The following CCDC102B variants were observed in gnomAD, a reference collection of about 807,000 sequenced individuals.
CCDC102B encodes coiled-coil domain containing 102B.
CCDC102B carries 75 observed loss-of-function variants against 57.4 expected under a neutral mutation model. That is an observed-to-expected ratio of 1.31 (90% confidence interval 1.08 to 1.58). CCDC102B has a LOEUF of 1.58. Among genes scored for constraint, CCDC102B ranks in the 40% most tolerant of loss-of-function variants. CCDC102B has a pLI of 0.00. For synonymous variants in CCDC102B, 206 were observed against 201.9 expected, an observed-to-expected ratio of 1.02 and a Z score of -0.17; for missense variants, 636 against 582.6, an observed-to-expected ratio of 1.09 and a Z score of -0.94.
At chr18:68,839,002 G>T in intron 3 of CCDC102B, 76 bp downstream of exon 3, 1 of 1,165,220 alleles carries the variant, frequency 8.6e-7, no homozygotes, top group Non-Finnish European at 1.3e-6. Context: ...AGATAGATTG[G>T]TCATTTGATA....
rs568442070 is a variant in CCDC102B at position 68,933,861 on chromosome 18, C to A, written c.1263+36433C>A. On this transcript the variant is annotated intron_variant, in intron 6 of 7. Transcript: ENST00000360242. ...AAGAACATATACAAAAACCAACTAA[C>A]CAAAGAAAAATCCATAACAACGTGA... 1.4e-3 allele frequency among the ~76,000 whole-genome samples: 209 copies of A among 151,824 alleles called. 1 individual carries two copies. The highest frequency in any genetic ancestry group is 4.6e-3 in the African/African-American group (190 of 41,458).
chr18:68,865,919 C>A (rs566758441), intron 4 of CCDC102B, among the ~76,000 whole-genome samples: 235 of 152,196 alleles, frequency 1.5e-3, no homozygotes, highest in Middle Eastern at 6.8e-3. Flanking sequence ...TAATAAAACA[C>A]AACAACTCTA....
In CCDC102B at chr18:68,769,634, G is replaced by A. The variant is rs561450172; in HGVS notation, c.-67+53040G>A. On this transcript the variant is annotated intron_variant, in intron 2 of 3. Transcript: ENST00000578970. ...GCAGTGGAAAACATACTCTCAACACGGGATTGCAAAACTCACTGGCAGCTA... is the reference window on the plus strand; with the variant it reads ...GCAGTGGAAAACATACTCTCAACACAGGATTGCAAAACTCACTGGCAGCTA... Among the ~76,000 whole-genome samples the A allele has an allele frequency of 8.5e-5, 13 of 152,124 alleles. No individual in the cohort carries two copies. The East Asian group carries it at 1.9e-3, about 23-fold the overall frequency.
At chr18:69,042,160 T>C (rs903006677) in intron 7 of CCDC102B, among the ~76,000 whole-genome samples, 3 of 152,094 alleles carry the variant, frequency 2.0e-5, no homozygotes, top group Non-Finnish European at 4.4e-5. Flanking sequence ...TGGGAAGTTC[T>C]CTTTTTCAAA....
intron 1 of CCDC102B, among the ~76,000 whole-genome samples, chr18:68,827,134 G>T (rs2036936696): frequency 6.6e-6 from 1 of 152,028 alleles, no homozygotes; most frequent in Non-Finnish European, 1.5e-5. Context: ...AAAGCTATAA[G>T]ATGCTATTAA....
At chr18:68,830,442 T>A (rs1178038723) in intron 1 of CCDC102B, among the ~76,000 whole-genome samples, 1 of 151,956 alleles carries the variant, frequency 6.6e-6, no homozygotes, top group Non-Finnish European at 1.5e-5. Context: ...TTGGCTTTTT[T>A]ATTTGGCACC....
intron 7 of CCDC102B, among the ~76,000 whole-genome samples, chr18:69,020,554 G>A (rs1466484599): frequency 6.6e-6 from 1 of 152,122 alleles, no homozygotes; most frequent in African/African-American, 2.4e-5. Context: ...TATTGTGCAT[G>A]GGTGCTTTTA....
chr18:69,019,752 A>C (rs897042104), intron 7 of CCDC102B, among the ~76,000 whole-genome samples: 2 of 152,106 alleles, frequency 1.3e-5, no homozygotes, highest in African/African-American at 4.8e-5. Flanking sequence ...TAAAACTTCT[A>C]GTGCTATGTT....
intron 7 of CCDC102B, among the ~76,000 whole-genome samples, chr18:69,048,027 C>T (rs1229494848): frequency 1.3e-5 from 2 of 151,984 alleles, no homozygotes; most frequent in Admixed American, 1.3e-4. Flanking sequence ...TCTAATAATA[C>T]CTGTAAGTTA....
chr18:69,050,948 G>A (rs1367735), intron 7 of CCDC102B, among the ~76,000 whole-genome samples: 142,902 of 152,238 alleles, frequency 0.94, 67,713 homozygotes, highest in East Asian at 1. Flanking sequence ...ACAGTGGTAT[G>A]ATCATAGCTT....
intron 2 of CCDC102B, among the ~76,000 whole-genome samples, chr18:68,750,530 C>T (rs942300345): frequency 1.3e-5 from 2 of 151,952 alleles, no homozygotes; most frequent in Non-Finnish European, 2.9e-5. Context: ...TTCACAATAG[C>T]AAAAAATTGA....
At chr18:68,804,294 T>A (rs2035955842) in intron 1 of CCDC102B, among the ~76,000 whole-genome samples, 1 of 145,602 alleles carries the variant, frequency 6.9e-6, no homozygotes, top group East Asian at 2.0e-4. Context: ...GTGAGGGGAG[T>A]TCAAGTGTTT....
chr18:68,899,564 C>T (rs2040365894), intron 6 of CCDC102B, among the ~76,000 whole-genome samples: 2 of 151,972 alleles, frequency 1.3e-5, no homozygotes. Context: ...GATTATTAGT[C>T]TCTAAAAGAA....
chr18:68,721,533 A>G (rs1170903453), intron 2 of CCDC102B: 1 of 152,190 alleles, frequency 6.6e-6, no homozygotes, highest in Non-Finnish European at 1.5e-5. Flanking sequence ...TCATCCAGAA[A>G]AAATAAAAAA....
At position 68,836,748 on chromosome 18, in the gene CCDC102B, G is replaced by T; in HGVS notation, c.-15-1G>T. On this transcript the variant is annotated splice_acceptor_variant, in intron 1 of 7. Coordinates refer to ENST00000360242, the MANE Select transcript of CCDC102B (RefSeq NM_024781.3). LOFTEE classifies it low-confidence loss of function (5UTR_SPLICE). ...AAATTATGGTCTCTATCTTTTCTCA[G>T]GTCTTAAAAATAAATATGAATTTAG... 6.2e-7 allele frequency: 1 copy of T among 1,602,138 alleles called. No homozygotes were observed. The highest frequency in any genetic ancestry group is 8.5e-7 in the Non-Finnish European group (1 of 1,175,922).
intron 2 of CCDC102B, among the ~76,000 whole-genome samples, chr18:68,727,741 G>A (rs1166677217): frequency 1.3e-5 from 2 of 152,206 alleles, no homozygotes; most frequent in Non-Finnish European, 1.5e-5. Context: ...CAGCTGTCTT[G>A]TGTCCAGCAG....
intron 6 of CCDC102B, among the ~76,000 whole-genome samples, chr18:68,913,372 G>A (rs1308860075): frequency 1.5e-5 from 2 of 136,972 alleles, no homozygotes; most frequent in African/African-American, 5.3e-5. Flanking sequence ...ACCAGCCAGG[G>A]GTGGTGGCTC....
At chr18:68,866,696 T>C in intron 4 of CCDC102B, 1 of 485,428 alleles carries the variant, frequency 2.1e-6, no homozygotes, top group Non-Finnish European at 4.0e-6. Flanking sequence ...CTGTCTACAG[T>C]TTGGCCTCTT....
At chr18:69,043,518 G>A (rs1006137139) in intron 7 of CCDC102B, among the ~76,000 whole-genome samples, 5 of 152,010 alleles carry the variant, frequency 3.3e-5, no homozygotes, top group South Asian at 2.1e-4. Flanking sequence ...AGGTCCCTGC[G>A]GCCTTCCTCA....
Sources: gnomAD v4.1 joint callset for allele counts (sites outside exome capture counted in the v4.1 genomes callset) on GRCh38, gnomAD v4.1.1 for gene constraint, MANE v1.5 for transcripts, NCBI Gene and HGNC (gene_info 2026-07-23, HGNC 2026-07-21) for gene names.